CDCP2: variants seen among roughly 807,000 people sequenced by gnomAD.
CDCP2 encodes the protein CUB domain-containing protein 2.
Under a neutral mutation model 31.0 loss-of-function variants are expected in CDCP2, and 31 were observed. That is an observed-to-expected ratio of 1.00 (90% CI 0.75 to 1.35). The LOEUF is 1.35. Ranked by LOEUF, CDCP2 falls within the 40% of genes most tolerant of loss-of-function variation. The probability of loss-of-function intolerance (pLI) is 0.00; values close to 1 mark genes in which losing one functional copy is unlikely to be tolerated. For synonymous variants in CDCP2, 206 were observed against 207.9 expected, an observed-to-expected ratio of 0.99 and a Z score of 0.08; for missense variants, 443 against 482.6, an observed-to-expected ratio of 0.92 and a Z score of 0.77.
chr1:54,147,612 C>A (rs563321442), intron 1 of CDCP2, among the ~76,000 whole-genome samples: 1 of 151,970 alleles, frequency 6.6e-6, no homozygotes, highest in Admixed American at 6.5e-5. Flanking sequence ...GTTGATCTAC[C>A]CTCCTGGGCA....
chr1:54,150,077 G>T (rs1007282696), intron 1 of CDCP2, among the ~76,000 whole-genome samples: 1 of 152,170 alleles, frequency 6.6e-6, no homozygotes, highest in African/African-American at 2.4e-5. Context: ...TGACCCAGGG[G>T]TGGACGCCTG....
intron 3 of CDCP2, 21 bp from the exon 4 acceptor site, chr1:54,140,127 TGGAA>T: frequency 6.2e-7 from 1 of 1,606,908 alleles, no homozygotes; most frequent in Non-Finnish European, 8.5e-7. Flanking sequence ...GATGGGGAGG[TGGAA>T]GGAGCAACAG....
At chr1:54,142,748 G>A (rs781004443) in intron 2 of CDCP2, 10 of 152,196 alleles carry the variant, frequency 6.6e-5, no homozygotes, top group Non-Finnish European at 1.3e-4. Flanking sequence ...GAGAGGGCAG[G>A]TTTAGATAGC....
intron 2 of CDCP2, chr1:54,142,778 A>G (rs1002590487): frequency 3.3e-5 from 5 of 152,266 alleles, no homozygotes; most frequent in African/African-American, 9.6e-5. Flanking sequence ...CCCTTCCAAC[A>G]CTAACAACCT....
intron 5 of CDCP2, among the ~76,000 whole-genome samples, chr1:54,134,336 G>A (rs1659220396): frequency 6.6e-6 from 1 of 152,228 alleles, no homozygotes; most frequent in Non-Finnish European, 1.5e-5. Context: ...GTTGGGAAGA[G>A]CCATCGAGGA....
chr1:54,148,531 GA>G (rs5774178), intron 1 of CDCP2, among the ~76,000 whole-genome samples: 3,480 of 145,454 alleles, frequency 0.024, 162 homozygotes, highest in East Asian at 0.09. Context: ...ATCTCTTCTT[GA>G]AAAAAAAAAA....
At chr1:54,134,359 G>A (rs1471505616) in intron 5 of CDCP2, among the ~76,000 whole-genome samples, 3 of 152,342 alleles carry the variant, frequency 2.0e-5, no homozygotes, top group African/African-American at 7.2e-5. Context: ...AAGATGTGGG[G>A]GCCTGGCACC....
chr1:54,150,104 C>G (rs1022291405), intron 1 of CDCP2, among the ~76,000 whole-genome samples: 3 of 152,182 alleles, frequency 2.0e-5, no homozygotes, highest in African/African-American at 7.2e-5. Context: ...GCTGGGGAGT[C>G]TTGGGGCTCC....
At chr1:54,137,180 A>G (rs931534467) in intron 4 of CDCP2, among the ~76,000 whole-genome samples, 3 of 152,214 alleles carry the variant, frequency 2.0e-5, no homozygotes, top group Non-Finnish European at 2.9e-5. Flanking sequence ...TATTTAACAA[A>G]TATATTGATG....
chr1:54,149,180 A>G (rs1659531508), intron 1 of CDCP2, among the ~76,000 whole-genome samples: 1 of 151,490 alleles, frequency 6.6e-6, no homozygotes, highest in Non-Finnish European at 1.5e-5. Context: ...GCAGTGAGCT[A>G]TGACCACAGC....
At chr1:54,133,315 C>T in intron 5 of CDCP2, 21 bp from the exon 6 acceptor site, 1 of 399,030 alleles carries the variant, frequency 2.5e-6, no homozygotes, top group Non-Finnish European at 4.4e-6. Flanking sequence ...ACAGGGTACT[C>T]ATCACACCTG....
At chr1:54,146,107 A>G (rs1484940789) in intron 1 of CDCP2, among the ~76,000 whole-genome samples, 1 of 152,176 alleles carries the variant, frequency 6.6e-6, no homozygotes, top group Non-Finnish European at 1.5e-5. Context: ...CAATTATTAT[A>G]TATTAGAATA....
chr1:54,145,452 G>A (rs1307926586), intron 1 of CDCP2, among the ~76,000 whole-genome samples: 1 of 151,836 alleles, frequency 6.6e-6, no homozygotes, highest in African/African-American at 2.4e-5. Flanking sequence ...AAAAATAAAA[G>A]AAATACATAT....
intron 4 of CDCP2, chr1:54,139,325 T>C: frequency 3.5e-6 from 2 of 575,132 alleles, no homozygotes; most frequent in East Asian, 3.0e-5. Context: ...ACAAGCACCA[T>C]GTTTTCAATG....
At chr1:54,150,027 C>T (rs190341437) in intron 1 of CDCP2, among the ~76,000 whole-genome samples, 52 of 152,342 alleles carry the variant, frequency 3.4e-4, no homozygotes, top group Non-Finnish European at 6.2e-4. Context: ...GACACTGCTC[C>T]CCTCCTTGCC....
chr1:54,152,922 T>A (rs867235282), exon 1 of CDCP2: 1 of 1,614,020 alleles, frequency 6.2e-7, no homozygotes, highest in Middle Eastern at 1.6e-4. Flanking sequence ...TCTGCCAGCA[T>A]CTCCTCACCA....
chr1:54,152,925 C>T (rs1433055679), upstream of CDCP2: 1 of 1,614,132 alleles, frequency 6.2e-7, no homozygotes, highest in Non-Finnish European at 8.5e-7. Flanking sequence ...GCCAGCATCT[C>T]CTCACCAGGG....
rs151060094 is a variant in CDCP2 at position 54,145,685 on chromosome 1, T to C, written c.80-872A>G. 1.6e-3 allele frequency among the ~76,000 whole-genome samples: 246 copies of C among 152,332 alleles called. 1 individual carries two copies. Among genetic ancestry groups the C allele is most frequent in the African/African-American group, 5.8e-3 (240 of 41,582 alleles). On this transcript the variant is annotated intron_variant, in intron 1 of 5. Transcript: ENST00000530059. Reference sequence around the variant, plus strand: ...AAAAGTACATTTTTATATGTGCTGATTTGCTTGTGTTTGACAAAAGAAAAC... The same window carrying C: ...AAAAGTACATTTTTATATGTGCTGACTTGCTTGTGTTTGACAAAAGAAAAC...
Position 54,144,692 on chromosome 1 carries a change from C to T in CDCP2, c.201G>A (p.Ser67=), listed in dbSNP as rs202035067. The T allele has an allele frequency of 1.9e-4, 307 of 1,614,196 alleles. 3 individuals carry two copies. In the East Asian group the frequency reaches 3.0e-3, roughly 16 times the overall value. ...CAAAGGCATGGAAGGTGAGCAGCAC[C>T]GAGGATCCCTCGGCCACCACGATCA... Residue 67 remains serine (S), a synonymous_variant, in exon 2 of 6, where the codon TCG becomes TCA. Transcript: ENST00000530059.
Sources: allele counts gnomAD v4.1 joint callset (sites outside exome capture counted in the v4.1 genomes callset), GRCh38; gene constraint gnomAD v4.1.1; transcripts MANE v1.5; gene names NCBI Gene and HGNC (gene_info 2026-07-23, HGNC 2026-07-21).